Variants in PLXNA4 observed in about 807,000 individuals in gnomAD.
PLXNA4 encodes the protein plexin A4, also known as plexin-A4.
A neutral mutation model predicts 191.8 loss-of-function variants in PLXNA4; 44 were observed. The ratio of observed to expected loss-of-function variants is 0.23; its 90% CI spans 0.18 to 0.29. The LOEUF (loss-of-function observed/expected upper bound fraction) is 0.29, where lower values mean the gene tolerates loss of function less well. Ranked by LOEUF, PLXNA4 falls within the 10% of genes least tolerant of loss-of-function variation. PLXNA4 has a pLI of 1.00. For synonymous variants in PLXNA4, 1,082 were observed against 1,009.5 expected, an observed-to-expected ratio of 1.07 and a Z score of -1.36; for missense variants, 1,800 against 2,488.8, an observed-to-expected ratio of 0.72 and a Z score of 5.89.
intron 4 of PLXNA4, among the ~76,000 whole-genome samples, chr7:132,255,934 A>G (rs1429080458): frequency 6.6e-6 from 1 of 152,246 alleles, no homozygotes. Flanking sequence ...TATCTGATGA[A>G]ATGAGGTCAA....
At chr7:132,619,479 T>G (rs780671802) in intron 2 of PLXNA4, among the ~76,000 whole-genome samples, 3 of 152,272 alleles carry the variant, frequency 2.0e-5, no homozygotes, top group Non-Finnish European at 4.4e-5. Context: ...CTTGCTGGTA[T>G]GTAAGCAACT....
intron 2 of PLXNA4, among the ~76,000 whole-genome samples, chr7:132,602,846 C>T (rs1802846206): frequency 6.6e-6 from 1 of 152,140 alleles, no homozygotes; most frequent in African/African-American, 2.4e-5. Context: ...TTCTTCTCTA[C>T]CCGTGGAAGA....
intron 1 of PLXNA4, among the ~76,000 whole-genome samples, chr7:132,548,320 T>C (rs1800396586): frequency 6.6e-6 from 1 of 152,198 alleles, no homozygotes; most frequent in Non-Finnish European, 1.5e-5. Context: ...ATTTTTATGA[T>C]AAGCAGATGA....
intron 2 of PLXNA4, among the ~76,000 whole-genome samples, chr7:132,612,069 A>C (rs1242598312): frequency 3.2e-5 from 2 of 63,126 alleles, no homozygotes; most frequent in African/African-American, 1.2e-4. Context: ...TCTAGGGATC[A>C]GGAAATCAGA....
Position 132,146,257 on chromosome 7 carries a change from T to C in PLXNA4, c.5055+253A>G, listed in dbSNP as rs185404783. Among the ~76,000 whole-genome samples, 425 of 152,004 alleles carry C rather than the reference T, an allele frequency of 2.8e-3. 5 individuals are homozygous for C. Among genetic ancestry groups the C allele is most frequent in the African/African-American group, 1.0e-2 (413 of 41,418 alleles). On this transcript the variant is annotated intron_variant, in intron 28 of 31. Transcript: ENST00000321063. ...AGAGTCTCAGTATTTCAGAAGGGCA[T>C]GGAGAAGGGGTAGAAACAAATCTTC...
chr7:132,164,041 G>A (rs1327871521), intron 24 of PLXNA4, 101 bp downstream of exon 24: 9 of 1,529,004 alleles, frequency 5.9e-6, no homozygotes, highest in Non-Finnish European at 7.9e-6. Flanking sequence ...ACCTGGAGAG[G>A]CAGCTGTTCA....
intron 30 of PLXNA4, among the ~76,000 whole-genome samples, chr7:132,139,851 C>T (rs1795214013): frequency 6.6e-6 from 1 of 152,350 alleles, no homozygotes. Context: ...CTTATAGTTC[C>T]TGTCCTCTCC....
At chr7:132,588,003 T>G (rs569394188) in intron 2 of PLXNA4, among the ~76,000 whole-genome samples, 1 of 152,084 alleles carries the variant, frequency 6.6e-6, no homozygotes, top group Admixed American at 6.5e-5. Flanking sequence ...GTCTCCCTTT[T>G]CTCTAGGTGG....
At chr7:132,550,392 T>C (rs984583770) in intron 1 of PLXNA4, among the ~76,000 whole-genome samples, 3 of 152,186 alleles carry the variant, frequency 2.0e-5, no homozygotes, top group African/African-American at 7.2e-5. Flanking sequence ...AAAAAAGTTG[T>C]ATTCAGACAT....
chr7:132,520,223 A>G (rs1799118067), intron 1 of PLXNA4, among the ~76,000 whole-genome samples: 1 of 152,246 alleles, frequency 6.6e-6, no homozygotes, highest in African/African-American at 2.4e-5. Context: ...TGAATTCCAC[A>G]GTCTGCCCTC....
rs142819113 is a variant in PLXNA4, at chr7:132,430,191, G to A, written c.1371+59101C>T. The stretch of plus-strand genomic sequence containing the variant: ...TTCATTCATTCAAAACCAGCATATT[G>A]AGTGAATGCCTATTCTGGCATCATG... On this transcript the variant is annotated intron_variant, in intron 3 of 31. Transcript: ENST00000321063. Among the ~76,000 whole-genome samples the A allele has an allele frequency of 2.4e-3, 362 of 152,214 alleles. 1 individual carries two copies. Among genetic ancestry groups the A allele is most frequent in the African/African-American group, 8.1e-3 (337 of 41,520 alleles).
chr7:132,369,758 C>T (rs551272430), intron 3 of PLXNA4, among the ~76,000 whole-genome samples: 3 of 152,148 alleles, frequency 2.0e-5, no homozygotes, highest in East Asian at 1.9e-4. Flanking sequence ...TACGGCCCCC[C>T]GAGAAGTAGG....
At chr7:132,578,247 C>G (rs1367614155), upstream of PLXNA4, among the ~76,000 whole-genome samples, 1 of 151,950 alleles carries the variant, frequency 6.6e-6, no homozygotes, top group Admixed American at 6.5e-5. Context: ...TGCATGCCAC[C>G]CTCATCCTCA....
intron 2 of PLXNA4, among the ~76,000 whole-genome samples, chr7:132,503,070 C>T (rs887373718): frequency 3.9e-5 from 6 of 152,114 alleles, no homozygotes; most frequent in African/African-American, 7.2e-5. Context: ...GTACTATGGC[C>T]GAGACTATCT....
chr7:132,268,337 T>G (rs945641029), intron 4 of PLXNA4, among the ~76,000 whole-genome samples: 1 of 152,212 alleles, frequency 6.6e-6, no homozygotes, highest in Non-Finnish European at 1.5e-5. Context: ...ACAGTGAAAC[T>G]ACAGCACCAT....
intron 3 of PLXNA4, among the ~76,000 whole-genome samples, chr7:132,452,865 A>G (rs1456565721): frequency 6.6e-6 from 1 of 152,160 alleles, no homozygotes; most frequent in Non-Finnish European, 1.5e-5. Context: ...ACCACACACC[A>G]ATTATTTACT....
chr7:132,245,160 G>A (rs1283884216), intron 4 of PLXNA4, among the ~76,000 whole-genome samples: 4 of 152,152 alleles, frequency 2.6e-5, no homozygotes, highest in Non-Finnish European at 5.9e-5. Flanking sequence ...AACTGAGTGA[G>A]GGAATTCAGA....
At chr7:132,402,960 C>T (rs1232251868) in intron 3 of PLXNA4, among the ~76,000 whole-genome samples, 1 of 152,230 alleles carries the variant, frequency 6.6e-6, no homozygotes, top group Non-Finnish European at 1.5e-5. Context: ...AGCTGACGCA[C>T]CGCCACCATG....
chr7:132,167,628 G>T (rs1236870653), intron 22 of PLXNA4, among the ~76,000 whole-genome samples: 1 of 152,064 alleles, frequency 6.6e-6, no homozygotes, highest in Non-Finnish European at 1.5e-5. Context: ...TCAAACTCCA[G>T]GGCTTAAAGG....
Sources: allele counts gnomAD v4.1 joint callset (sites outside exome capture counted in the v4.1 genomes callset), GRCh38; gene constraint gnomAD v4.1.1; transcripts MANE v1.5; gene names NCBI Gene and HGNC (gene_info 2026-07-23, HGNC 2026-07-21).